Variants in TGFBI observed in about 807,000 individuals in gnomAD.
TGFBI encodes transforming growth factor-beta-induced protein ig-h3.
A neutral mutation model predicts 73.7 loss-of-function variants in TGFBI; 50 were observed. That is an observed-to-expected ratio of 0.68 (90% CI 0.54 to 0.86). The LOEUF (loss-of-function observed/expected upper bound fraction) is 0.86. TGFBI is among the 40% of genes least tolerant of loss of function. The pLI, the probability that TGFBI is intolerant of heterozygous loss-of-function variation, is 0.00. For missense variants in TGFBI, 839 were observed against 877.0 expected, an observed-to-expected ratio of 0.96 and a Z score of 0.55; for synonymous variants, 362 against 360.5, an observed-to-expected ratio of 1.00 and a Z score of -0.05.
intron 14 of TGFBI, chr5:136,061,217 C>A: frequency 1.7e-6 from 1 of 573,250 alleles, no homozygotes. Flanking sequence ...ATGCTGTCCG[C>A]GCGATTCCCA....
In TGFBI at chr5:136,049,541, A is replaced by G; in HGVS notation, c.874A>G (p.Thr292Ala). The G allele has an allele frequency of 1.2e-6, 2 of 1,613,892 alleles. No individual in the cohort carries two copies. Among genetic ancestry groups the G allele is most frequent in the Non-Finnish European group, 8.5e-7 (1 of 1,179,854 alleles). The stretch of plus-strand genomic sequence containing the variant: ...GGCCTTCGAGAAGATCCCTAGTGAG[A>G]CTTTGAACCGTATCCTGGGCGACCC... ...NEAFEKIPSE[T>A]LNRILGDPEA... is the part of the protein sequence containing the mutation. The change falls in exon 7 of 17, where the codon ACT (threonine) becomes GCT (alanine). Residue 292 changes from threonine (T) to alanine (A), a missense_variant. Transcript: ENST00000442011.
rs1751496844 is a variant in TGFBI, at chr5:136,049,588, T to A, written c.913+8T>A. 6.2e-7 allele frequency: 1 copy of A among 1,611,292 alleles called. No individual in the cohort carries two copies. The highest frequency in any genetic ancestry group is 8.5e-7 in the Non-Finnish European group (1 of 1,178,622). On this transcript the variant is annotated splice_region_variant and intron_variant, in intron 7 of 16. Coordinates refer to ENST00000442011, the MANE Select transcript of TGFBI (RefSeq NM_000358.3). ...ACCCAGAAGCCCTGAGAGGTGAGCATCCTTTGGCTCCTGCTGCTGCCTCAT... is the reference window on the plus strand; with the variant it reads ...ACCCAGAAGCCCTGAGAGGTGAGCAACCTTTGGCTCCTGCTGCTGCCTCAT...
intron 12 of TGFBI, among the ~76,000 whole-genome samples, chr5:136,058,450 A>T (rs1410763901): frequency 6.6e-6 from 1 of 152,162 alleles, no homozygotes; most frequent in Non-Finnish European, 1.5e-5. Flanking sequence ...TGCCTGCCCC[A>T]GTTGCTGGAG....
At chr5:136,035,639 A>AAAAAG (rs1281648009) in intron 2 of TGFBI, among the ~76,000 whole-genome samples, 46 of 149,730 alleles carry the variant, frequency 3.1e-4, no homozygotes, top group East Asian at 9.8e-4. Flanking sequence ...AAAAAAAAAA[A>AAAAAG]AAAAGAAAAG....
intron 1 of TGFBI, among the ~76,000 whole-genome samples, chr5:136,029,997 G>T (rs1751088462): frequency 6.6e-6 from 1 of 152,196 alleles, no homozygotes; most frequent in African/African-American, 2.4e-5. Flanking sequence ...AGAAGGTCTG[G>T]TCTGATAGTG....
At chr5:136,056,279 G>A (rs1156787002) in intron 11 of TGFBI, among the ~76,000 whole-genome samples, 1 of 152,182 alleles carries the variant, frequency 6.6e-6, no homozygotes, top group Admixed American at 6.5e-5. Context: ...CATATTGAAT[G>A]TTTCCCTGTC....
At chr5:136,050,912 A>G (rs2126911685) in intron 7 of TGFBI, among the ~76,000 whole-genome samples, 2 of 152,288 alleles carry the variant, frequency 1.3e-5, no homozygotes, top group African/African-American at 4.8e-5. Context: ...TGAATACAGC[A>G]CAGCCTTTGC....
chr5:136,049,725 C>G, intron 7 of TGFBI, 145 bp downstream of exon 7: 1 of 927,626 alleles, frequency 1.1e-6, no homozygotes, highest in Non-Finnish European at 1.6e-6. Flanking sequence ...GTCATCCTGT[C>G]CTGTTGCTTC....
chr5:136,046,534 G>A, intron 4 of TGFBI, 39 bp downstream of exon 4: 1 of 1,559,830 alleles, frequency 6.4e-7, no homozygotes, highest in South Asian at 1.2e-5. Context: ...CTCTTATGGG[G>A]AACTGCCTTA....
At chr5:136,060,619 A>G (rs1298869343) in intron 13 of TGFBI, among the ~76,000 whole-genome samples, 2 of 152,192 alleles carry the variant, frequency 1.3e-5, no homozygotes, top group Admixed American at 1.3e-4. Context: ...CTGAGGCAGG[A>G]GAATCACTTG....
intron 7 of TGFBI, among the ~76,000 whole-genome samples, chr5:136,050,357 A>T (rs1376892656): frequency 6.6e-6 from 1 of 151,004 alleles, no homozygotes; most frequent in Non-Finnish European, 1.5e-5. Flanking sequence ...AAAAACAGTT[A>T]TAGTAGTCAA....
Position 136,044,122 on chromosome 5 carries a change from G to C in TGFBI, c.298G>C (p.Ala100Pro). The change falls in exon 3 of 17, where the codon GCC (alanine) becomes CCC (proline). Residue 100 changes from alanine (A) to proline (P), a missense_variant and splice_region_variant. Coordinates refer to ENST00000442011, the MANE Select transcript of TGFBI (RefSeq NM_000358.3). ...CCCTGGGGAGAAGGGCTGTCCAGCA[G>C]GTGAATGAATCCTCCGGGCCTTGCC... Reference protein sequence around the residue: ...KVPGEKGCPAALPLSNLYETL... With the variant: ...KVPGEKGCPAPLPLSNLYETL... 6.2e-7 allele frequency: 1 copy of C among 1,612,618 alleles called. No individual in the cohort carries two copies. Among genetic ancestry groups the C allele is most frequent in the Non-Finnish European group, 8.5e-7 (1 of 1,179,076 alleles).
chr5:136,040,313 T>A (rs2126905874), intron 2 of TGFBI, among the ~76,000 whole-genome samples: 1 of 152,274 alleles, frequency 6.6e-6, no homozygotes, highest in South Asian at 2.1e-4. Context: ...ACCTTCCCAG[T>A]ACTAGTCTGT....
At chr5:136,042,602 T>G (rs1372634114) in intron 2 of TGFBI, among the ~76,000 whole-genome samples, 1 of 151,634 alleles carries the variant, frequency 6.6e-6, no homozygotes, top group African/African-American at 2.4e-5. Context: ...GATGAAAGGT[T>G]AGAAAGAAAC....
intron 7 of TGFBI, among the ~76,000 whole-genome samples, chr5:136,051,469 C>A (rs1751531140): frequency 6.6e-6 from 1 of 152,082 alleles, no homozygotes; most frequent in African/African-American, 2.4e-5. Context: ...ACAAAAAAAA[C>A]TCCTTATTAT....
At chr5:136,056,615 TA>T in intron 11 of TGFBI, 49 bp from the exon 12 acceptor site, 2 of 1,612,730 alleles carry the variant, frequency 1.2e-6, no homozygotes, top group Non-Finnish European at 1.7e-6. Flanking sequence ...GTGAGGTATT[TA>T]AGGAAAATAC....
chr5:136,055,682 C>A lies in TGFBI; in HGVS notation c.1413C>A (p.Ser471Arg), dbSNP rs778990116. Residue 471 changes from serine to arginine, a missense_variant and splice_region_variant, in exon 11 of 17, where the codon AGC becomes AGA. Coordinates refer to ENST00000442011, the MANE Select transcript of TGFBI (RefSeq NM_000358.3). ...TTCTCTGTCCCTCTTCTGTGCAGAGCCTCTGCATTGAGAACAGCTGCATCG... is the reference window on the plus strand; with the variant it reads ...TTCTCTGTCCCTCTTCTGTGCAGAGACTCTGCATTGAGAACAGCTGCATCG... ...KKLRVFVYRNSLCIENSCIAA... is the reference protein window; with the variant it reads ...KKLRVFVYRNRLCIENSCIAA... The A allele has an allele frequency of 2.5e-6, 4 of 1,600,220 alleles. No homozygotes were observed. The highest frequency in any genetic ancestry group is 2.6e-6 in the Non-Finnish European group (3 of 1,169,438).
At chr5:136,038,167 C>G (rs1382966749) in intron 2 of TGFBI, among the ~76,000 whole-genome samples, 1 of 152,190 alleles carries the variant, frequency 6.6e-6, no homozygotes, top group Non-Finnish European at 1.5e-5. Flanking sequence ...ATTCTGTAAA[C>G]TAGGAGGCTG....
intron 12 of TGFBI, among the ~76,000 whole-genome samples, chr5:136,057,303 C>T (rs903975808): frequency 6.6e-6 from 1 of 152,182 alleles, no homozygotes; most frequent in Admixed American, 6.5e-5. Context: ...CACTGAGGCA[C>T]GTTTCCCACT....
Sources: gnomAD v4.1 joint callset for allele counts (sites outside exome capture counted in the v4.1 genomes callset) on GRCh38, gnomAD v4.1.1 for gene constraint, MANE v1.5 for transcripts, NCBI Gene and HGNC (gene_info 2026-07-23, HGNC 2026-07-21) for gene names.